The following SLC5A1 variants were observed in gnomAD, a reference collection of about 807,000 sequenced individuals.
SLC5A1 encodes the protein solute carrier family 5 member 1.
Under a neutral mutation model 73.5 loss-of-function variants are expected in SLC5A1, and 42 were observed. The observed-to-expected ratio is 0.57, with a 90% CI of 0.45 to 0.74. SLC5A1 has a LOEUF of 0.74. Ranked by LOEUF, SLC5A1 falls within the 30% of genes least tolerant of loss-of-function variation. The probability of loss-of-function intolerance (pLI) is 0.00; values close to 1 mark genes in which losing one functional copy is unlikely to be tolerated. For missense variants in SLC5A1, 634 were observed against 855.4 expected (o/e 0.74, Z 3.23); for synonymous variants, 300 against 317.4 (o/e 0.95, Z 0.58).
intron 5 of SLC5A1, among the ~76,000 whole-genome samples, chr22:32,079,312 G>A (rs1349249653): frequency 1.3e-5 from 2 of 152,200 alleles, no homozygotes; most frequent in African/African-American, 4.8e-5. Flanking sequence ...CATCTCTGAA[G>A]TTAGAATGAC....
intron 11 of SLC5A1, among the ~76,000 whole-genome samples, chr22:32,092,191 TATG>T (rs2094019035): frequency 6.6e-6 from 1 of 152,182 alleles, no homozygotes; most frequent in Admixed American, 6.5e-5. Flanking sequence ...AGTGAGAACA[TATG>T]ATGTTTGGTT....
chr22:32,074,317 T>C (rs926272177), intron 5 of SLC5A1, among the ~76,000 whole-genome samples: 1 of 152,342 alleles, frequency 6.6e-6, no homozygotes, highest in South Asian at 2.1e-4. Flanking sequence ...TGATTAAACC[T>C]TCTTGGACTT....
intron 10 of SLC5A1, among the ~76,000 whole-genome samples, chr22:32,089,986 T>C (rs2094014360): frequency 6.6e-6 from 1 of 151,808 alleles, no homozygotes; most frequent in South Asian, 2.1e-4. Context: ...TGGGAAGGTG[T>C]AGTATTCCGT....
intron 14 of SLC5A1, among the ~76,000 whole-genome samples, chr22:32,108,715 A>T (rs1422050363): frequency 6.6e-6 from 1 of 152,104 alleles, no homozygotes. Context: ...TAAATTCTTC[A>T]TTAGTACAAT....
At chr22:32,095,661 G>A (rs189906129) in intron 11 of SLC5A1, among the ~76,000 whole-genome samples, 44 of 152,188 alleles carry the variant, frequency 2.9e-4, no homozygotes, top group Non-Finnish European at 5.3e-4. Flanking sequence ...AAGAATATAA[G>A]AAGAGCTACT....
At chr22:32,060,144 T>TACACACACAC (rs61064953) in intron 2 of SLC5A1, among the ~76,000 whole-genome samples, 3 of 125,160 alleles carry the variant, frequency 2.4e-5, no homozygotes, top group South Asian at 2.3e-4. Context: ...TATATACACA[T>TACACACACAC]ACACACACAC....
intron 6 of SLC5A1, among the ~76,000 whole-genome samples, chr22:32,082,319 C>CTGCCTCCACAGGGAG (rs2094001313): frequency 6.6e-6 from 1 of 152,002 alleles, no homozygotes. Flanking sequence ...AGGGTGGGCA[C>CTGCCTCCACAGGGAG]GCAGATGCTC....
Position 32,049,965 on chromosome 22 carries a change from G to A in SLC5A1, c.158G>A (p.Gly53Glu), listed in dbSNP as rs1334755356. 2.5e-6 allele frequency: 4 copies of A among 1,614,040 alleles called. No individual in the cohort carries two copies. Among genetic ancestry groups the A allele is most frequent in the East Asian group, 2.2e-5 (1 of 44,876 alleles). The change falls in exon 2 of 15, where the codon GGG (glycine) becomes GAG (glutamate). Residue 53 changes from glycine to glutamate, a missense_variant. Around this residue, in one of 3 missense-constraint regions of SLC5A1, gnomAD observed 422 missense variants for 626.1 expected, o/e 0.67. Transcript: ENST00000266088. ...GLWAMFSTNRGTVGGFFLAGR... is the reference protein window; with the variant it reads ...GLWAMFSTNRETVGGFFLAGR... ...CAGGCTATGTTTTCCACCAATCGTG[G>A]GACTGTTGGAGGCTTCTTCCTGGCA...
intron 2 of SLC5A1, among the ~76,000 whole-genome samples, chr22:32,058,129 C>A (rs1210272114): frequency 2.0e-5 from 3 of 152,086 alleles, no homozygotes; most frequent in African/African-American, 7.2e-5. Context: ...CACACCTATG[C>A]ATATATTTAA....
chr22:32,097,017 G>A (rs1234092393), intron 11 of SLC5A1, among the ~76,000 whole-genome samples: 3 of 152,230 alleles, frequency 2.0e-5, no homozygotes, highest in Non-Finnish European at 4.4e-5. Flanking sequence ...CCCTTAGAAA[G>A]GCACTTACTG....
intron 2 of SLC5A1, among the ~76,000 whole-genome samples, chr22:32,061,870 C>T (rs974955393): frequency 6.6e-6 from 1 of 152,068 alleles, no homozygotes; most frequent in Admixed American, 6.6e-5. Flanking sequence ...ACTTTGGGGA[C>T]AGAGATGGGG....
intron 9 of SLC5A1, among the ~76,000 whole-genome samples, chr22:32,085,845 A>C (rs1452059701): frequency 6.6e-6 from 1 of 152,116 alleles, no homozygotes; most frequent in Non-Finnish European, 1.5e-5. Context: ...ACCTTGTTTT[A>C]AGAAGGTGAA....
rs1012518933 is a variant in SLC5A1 at position 32,105,016 on chromosome 22, G to A, written c.1771+125G>A. The A allele has an allele frequency of 1.3e-5, 10 of 751,246 alleles. No individual in the cohort carries two copies. In the East Asian group the frequency reaches 2.1e-4, roughly 16 times the overall value. The allele number at this position is 751,246 out of a possible 1,614,324, so 46.5% of individuals were successfully genotyped here. A position where few individuals can be genotyped will look rare whatever the true frequency, so the allele number is the denominator to read the frequency against. ...GATGTCTCCCCTCCAGGGCAGTGAG[G>A]AGTAGGGTGGGGATGAGATGGATAA... On this transcript the variant is annotated intron_variant, in intron 14 of 14. Transcript: ENST00000266088.
chr22:32,110,493 A>T lies in SLC5A1; in HGVS notation c.*280A>T. On this transcript the variant is annotated 3_prime_UTR_variant, in exon 15 of 15. Coordinates refer to ENST00000266088, the MANE Select transcript of SLC5A1 (RefSeq NM_000343.4). ...AAAGGCAGACTAAGAATCAGAAGCC[A>T]TGTGATTGATGTCTGACGTGAGTCT... 1 of 489,086 alleles carries T rather than the reference A, an allele frequency of 2.0e-6. No homozygotes were observed. The highest frequency in any genetic ancestry group is 3.3e-5 in the Admixed American group (1 of 30,734). 30.3% of individuals were successfully genotyped at this position (489,086 alleles called of 1,614,324 possible). A position where few individuals can be genotyped will look rare whatever the true frequency, so the allele number is the denominator to read the frequency against.
intron 11 of SLC5A1, 66 bp from the exon 12 acceptor site, chr22:32,099,108 ATATATATAT>A (rs2094031855): frequency 1.9e-5 from 2 of 102,920 alleles, no homozygotes; most frequent in South Asian, 2.8e-4. Flanking sequence ...AAAAAAAAAT[ATATATATAT>A]ATATATATAT....
At chr22:32,080,267 G>C (rs963807810) in intron 5 of SLC5A1, among the ~76,000 whole-genome samples, 10 of 152,152 alleles carry the variant, frequency 6.6e-5, no homozygotes, top group Non-Finnish European at 1.3e-4. Flanking sequence ...CTTCAGGGGA[G>C]ATCTGGGCAG....
At position 32,110,313 on chromosome 22, in the gene SLC5A1, T is replaced by C. The variant is rs1470496372; in HGVS notation, c.*100T>C. The C allele has an allele frequency of 7.4e-6, 7 of 943,736 alleles. No individual in the cohort carries two copies. In the East Asian group the frequency reaches 1.5e-4, roughly 20 times the overall value. 58.5% of individuals were successfully genotyped at this position (943,736 alleles called of 1,614,324 possible). Reference sequence around the variant, plus strand: ...AAGGGAAATCAGCCAGTTGTAAATTTTGCCCAGGTGGATAAATGTGTACAT... The same window carrying C: ...AAGGGAAATCAGCCAGTTGTAAATTCTGCCCAGGTGGATAAATGTGTACAT... On this transcript the variant is annotated 3_prime_UTR_variant, in exon 15 of 15. Coordinates refer to ENST00000266088, the MANE Select transcript of SLC5A1 (RefSeq NM_000343.4).
intron 11 of SLC5A1, among the ~76,000 whole-genome samples, chr22:32,094,084 T>A (rs2094022542): frequency 6.6e-6 from 1 of 152,220 alleles, no homozygotes; most frequent in Non-Finnish European, 1.5e-5. Context: ...TTTTTCTATG[T>A]CTGTTGAGAT....
chr22:32,058,226 C>T (rs746820237), intron 2 of SLC5A1, among the ~76,000 whole-genome samples: 7 of 152,240 alleles, frequency 4.6e-5, no homozygotes, highest in Non-Finnish European at 7.4e-5. Context: ...TGGCTGCACA[C>T]TATTCCATCA....
Sources: allele counts gnomAD v4.1 joint callset (sites outside exome capture counted in the v4.1 genomes callset), GRCh38; gene constraint gnomAD v4.1.1; regional missense constraint gnomAD v4.1.1; transcripts MANE v1.5; gene names NCBI Gene and HGNC (gene_info 2026-07-23, HGNC 2026-07-21).